PTPRD: variants seen among roughly 807,000 people sequenced by gnomAD.
PTPRD encodes receptor-type tyrosine-protein phosphatase delta.
In PTPRD, 34 loss-of-function variants were observed where a neutral mutation model predicts 214.5. That is an observed-to-expected ratio of 0.16 (90% CI 0.12 to 0.21). The LOEUF (loss-of-function observed/expected upper bound fraction) is 0.21. Among genes scored for constraint, PTPRD ranks in the 10% least tolerant of loss-of-function variants. PTPRD has a pLI of 1.00. For synonymous variants in PTPRD, 1,128 were observed against 845.7 expected, an observed-to-expected ratio of 1.33 and a Z score of -5.79; for missense variants, 2,545 against 2,398.7, an observed-to-expected ratio of 1.06 and a Z score of -1.27.
At chr9:10,147,793 T>A (rs996636853) in intron 3 of PTPRD, among the ~76,000 whole-genome samples, 6 of 152,106 alleles carry the variant, frequency 3.9e-5, no homozygotes, top group Non-Finnish European at 5.9e-5. Context: ...GGCAAGAGAA[T>A]TGCTTGAACC....
intron 3 of PTPRD, among the ~76,000 whole-genome samples, chr9:10,109,311 G>T (rs72694879): frequency 6.6e-6 from 1 of 152,146 alleles, no homozygotes; most frequent in Non-Finnish European, 1.5e-5. Flanking sequence ...GTTACAGTCA[G>T]TAAAGAAACG....
intron 11 of PTPRD, among the ~76,000 whole-genome samples, chr9:9,003,283 C>G (rs1295917178): frequency 6.6e-6 from 1 of 151,906 alleles, no homozygotes; most frequent in Non-Finnish European, 1.5e-5. Flanking sequence ...GTTCTATGAG[C>G]AACTAAGACA....
At chr9:10,141,331 T>C (rs1386792680) in intron 3 of PTPRD, among the ~76,000 whole-genome samples, 3 of 152,178 alleles carry the variant, frequency 2.0e-5, no homozygotes, top group Non-Finnish European at 4.4e-5. Context: ...GCAGACGACA[T>C]GATTGTATAT....
In PTPRD at chr9:10,053,844, C is replaced by T. The variant is rs191822643; in HGVS notation, c.-544-20054G>A. On this transcript the variant is annotated intron_variant, in intron 3 of 45. Coordinates refer to ENST00000381196, the MANE Select transcript of PTPRD (RefSeq NM_002839.4). ...TATGATCTTGGCTCACTGCAACCTC[C>T]GCCTCACGGGTTCAAGAGAGTCTCG... 7.6e-4 allele frequency among the ~76,000 whole-genome samples: 116 copies of T among 152,204 alleles called. 1 individual carries two copies. Among genetic ancestry groups the T allele is most frequent in the Admixed American group, 4.5e-3 (69 of 15,294 alleles).
At chr9:9,664,989 C>A (rs2096689632) in intron 7 of PTPRD, among the ~76,000 whole-genome samples, 2 of 151,606 alleles carry the variant, frequency 1.3e-5, no homozygotes, top group African/African-American at 4.8e-5. Flanking sequence ...TGATTACCAG[C>A]CTTCATACTC....
intron 3 of PTPRD, among the ~76,000 whole-genome samples, chr9:10,122,418 T>C (rs962663366): frequency 6.6e-6 from 1 of 152,174 alleles, no homozygotes; most frequent in African/African-American, 2.4e-5. Context: ...CAAATAGATC[T>C]AGAAATTAAC....
chr9:9,679,354 A>G (rs1256951575), intron 7 of PTPRD, among the ~76,000 whole-genome samples: 1 of 151,850 alleles, frequency 6.6e-6, no homozygotes, highest in East Asian at 1.9e-4. Context: ...TGAGATCAGT[A>G]ACATTGTTGA....
chr9:8,350,522 G>A (rs1249077290), intron 39 of PTPRD, among the ~76,000 whole-genome samples: 2 of 152,114 alleles, frequency 1.3e-5, no homozygotes, highest in East Asian at 3.9e-4. Flanking sequence ...TTAATTAGGT[G>A]ACTCTTTTAA....
intron 5 of PTPRD, among the ~76,000 whole-genome samples, chr9:9,775,070 C>T (rs760839950): frequency 5.3e-5 from 8 of 152,150 alleles, no homozygotes; most frequent in Non-Finnish European, 1.2e-4. Flanking sequence ...GAGAGCTAAA[C>T]TTGAGCACCA....
At chr9:9,859,939 G>A (rs1327597051) in intron 5 of PTPRD, among the ~76,000 whole-genome samples, 2 of 152,148 alleles carry the variant, frequency 1.3e-5, no homozygotes, top group African/African-American at 4.8e-5. Flanking sequence ...TTAGAAAACA[G>A]AATATTTCAC....
chr9:8,958,394 CT>C (rs1427174693), intron 11 of PTPRD, among the ~76,000 whole-genome samples: 1 of 151,800 alleles, frequency 6.6e-6, no homozygotes, highest in Non-Finnish European at 1.5e-5. Context: ...GATGTTTAGC[CT>C]TTTCAAAAAA....
chr9:9,461,991 G>A (rs1020062313), intron 8 of PTPRD, among the ~76,000 whole-genome samples: 2 of 152,032 alleles, frequency 1.3e-5, no homozygotes, highest in Admixed American at 6.6e-5. Context: ...TTACTTTGTT[G>A]TAATCTATTA....
intron 14 of PTPRD, among the ~76,000 whole-genome samples, chr9:8,613,164 C>T (rs547598778): frequency 1.4e-3 from 215 of 152,250 alleles, no homozygotes; most frequent in African/African-American, 5.0e-3. Context: ...CAACACATAA[C>T]AGGTATTCAA....
chr9:9,076,095 T>C (rs1290602527), intron 10 of PTPRD, among the ~76,000 whole-genome samples: 3 of 152,202 alleles, frequency 2.0e-5, no homozygotes, highest in Non-Finnish European at 4.4e-5. Context: ...TTTTTAGTGA[T>C]CACCATTCTA....
chr9:8,917,819 G>T (rs938348085), intron 11 of PTPRD, among the ~76,000 whole-genome samples: 2 of 152,120 alleles, frequency 1.3e-5, no homozygotes, highest in African/African-American at 4.8e-5. Context: ...AGACCTCAAG[G>T]TTTATTGCTA....
chr9:10,319,456 C>T (rs1453148688), intron 3 of PTPRD, among the ~76,000 whole-genome samples: 1 of 152,024 alleles, frequency 6.6e-6, no homozygotes, highest in Non-Finnish European at 1.5e-5. Context: ...TCTCTAGAAC[C>T]TCATTTTACA....
At chr9:9,250,818 A>C (rs2099975171) in intron 9 of PTPRD, among the ~76,000 whole-genome samples, 1 of 152,096 alleles carries the variant, frequency 6.6e-6, no homozygotes, top group Admixed American at 6.6e-5. Flanking sequence ...GAGTCCCAAC[A>C]AATTTGTTTT....
intron 8 of PTPRD, among the ~76,000 whole-genome samples, chr9:9,466,284 G>C (rs921824120): frequency 1.5e-4 from 23 of 152,012 alleles, no homozygotes; most frequent in African/African-American, 5.6e-4. Context: ...ACTTCAGACT[G>C]GGCAACAGAG....
At chr9:9,814,032 G>C (rs1263529214) in intron 5 of PTPRD, among the ~76,000 whole-genome samples, 1 of 152,080 alleles carries the variant, frequency 6.6e-6, no homozygotes, top group East Asian at 1.9e-4. Context: ...TACACTAACA[G>C]AATGAAGGAT....
Sources: allele counts gnomAD v4.1 joint callset (sites outside exome capture counted in the v4.1 genomes callset), GRCh38; gene constraint gnomAD v4.1.1; transcripts MANE v1.5; gene names NCBI Gene and HGNC (gene_info 2026-07-23, HGNC 2026-07-21).